Variants in FSTL4 observed in about 807,000 individuals in gnomAD.
The protein encoded by FSTL4 is follistatin-related protein 4.
Under a neutral mutation model 78.2 loss-of-function variants are expected in FSTL4, and 28 were observed. The observed-to-expected ratio is 0.36, with a 90% CI of 0.27 to 0.49. FSTL4 has a LOEUF of 0.49. Ranked by LOEUF, FSTL4 falls within the 20% of genes least tolerant of loss-of-function variation. The pLI is 0.98. For synonymous variants in FSTL4, 422 were observed against 440.5 expected (o/e 0.96, Z 0.53); for missense variants, 922 against 1,084.9 (o/e 0.85, Z 2.11).
chr5:133,395,883 C>T (rs189798242), intron 4 of FSTL4, among the ~76,000 whole-genome samples: 1 of 152,068 alleles, frequency 6.6e-6, no homozygotes, highest in Non-Finnish European at 1.5e-5. Flanking sequence ...CCTGAGAGCC[C>T]GGAGGTACAT....
chr5:133,604,726 A>T (rs1580817581), intron 1 of FSTL4, among the ~76,000 whole-genome samples: 1 of 152,114 alleles, frequency 6.6e-6, no homozygotes, highest in Non-Finnish European at 1.5e-5. Context: ...AGAAATGATG[A>T]TTAAGAATTA....
chr5:133,310,240 A>G (rs1307462651), intron 6 of FSTL4, among the ~76,000 whole-genome samples: 1 of 152,132 alleles, frequency 6.6e-6, no homozygotes, highest in African/African-American at 2.4e-5. Flanking sequence ...CTGGGCTGTG[A>G]TGAATGGTTT....
At chr5:133,274,980 G>C (rs1016707052) in intron 6 of FSTL4, among the ~76,000 whole-genome samples, 1 of 152,208 alleles carries the variant, frequency 6.6e-6, no homozygotes, top group African/African-American at 2.4e-5. Context: ...TAAGAATTTA[G>C]GCTGGGCACA....
In FSTL4 at chr5:133,611,303, A is replaced by G. The variant is rs1761087039; in HGVS notation, c.-11+1022T>C. The stretch of plus-strand genomic sequence containing the variant: ...CGCGCTCTGGAAAACAAGAAACCCC[A>G]CTGCCTCGGCGGCTTTCCGCTCCCG... On this transcript the variant is annotated intron_variant, in intron 1 of 15. Coordinates refer to ENST00000265342, the MANE Select transcript of FSTL4 (RefSeq NM_015082.2). This position sits in a 1 kb window ranked among gnomAD's most constrained non-coding sequence, Gnocchi z 4.9. Among the ~76,000 whole-genome samples, 1 of 151,848 alleles carries G rather than the reference A, an allele frequency of 6.6e-6. No individual in the cohort carries two copies. The highest frequency in any genetic ancestry group is 2.1e-4 in the South Asian group (1 of 4,798).
At chr5:133,602,238 A>T (rs2112978186) in intron 2 of FSTL4, among the ~76,000 whole-genome samples, 1 of 152,266 alleles carries the variant, frequency 6.6e-6, no homozygotes, top group African/African-American at 2.4e-5. Context: ...GGAAGACAAA[A>T]GCTACCCTGG....
the FSTL4 span, among the ~76,000 whole-genome samples, chr5:133,822,395 C>T: frequency 2.0e-5 from 3 of 152,314 alleles, no homozygotes; most frequent in South Asian, 2.1e-4. Context: ...TTAATGTAAT[C>T]GTTTCAGCTC....
At chr5:133,830,951 G>T in the FSTL4 span, among the ~76,000 whole-genome samples, 1 of 152,160 alleles carries the variant, frequency 6.6e-6, no homozygotes, top group African/African-American at 2.4e-5. Flanking sequence ...AGGGCATCCA[G>T]GGCCTCCCAG....
At position 133,305,024 on chromosome 5, in the gene FSTL4, G is replaced by C. The variant is rs190979033; in HGVS notation, c.727+7630C>G. 2.6e-3 allele frequency among the ~76,000 whole-genome samples: 402 copies of C among 152,262 alleles called. 1 individual carries two copies. The highest frequency in any genetic ancestry group is 4.9e-3 in the Non-Finnish European group (336 of 68,014). ...TGTGTTTCTGTCTTTATATAGCAAG[G>C]GAGAGCCAAAAAGGACAGAGTCCAG... On this transcript the variant is annotated intron_variant, in intron 6 of 15. Transcript: ENST00000265342.
At chr5:133,546,493 G>A (rs548494027) in intron 3 of FSTL4, among the ~76,000 whole-genome samples, 10 of 117,854 alleles carry the variant, frequency 8.5e-5, no homozygotes, top group African/African-American at 3.0e-4. Context: ...CTGACAGAGC[G>A]AGACTTTGTC....
chr5:133,542,376 G>A (rs1361225964), intron 3 of FSTL4, among the ~76,000 whole-genome samples: 1 of 152,080 alleles, frequency 6.6e-6, no homozygotes, highest in East Asian at 1.9e-4. Context: ...GCTAAATATA[G>A]TTTGCTAATT....
chr5:133,201,896 CG>C, intron 15 of FSTL4, 36 bp downstream of exon 15: 1 of 1,203,094 alleles, frequency 8.3e-7, no homozygotes. Flanking sequence ...TGAGCTGGAG[CG>C]GGGAGTGCCT....
At chr5:133,413,310 G>GT (rs11385441) in intron 3 of FSTL4, among the ~76,000 whole-genome samples, 27,392 of 151,730 alleles carry the variant, frequency 0.18, 2,520 homozygotes, top group Non-Finnish European at 0.21. Context: ...ATTTTAAAGA[G>GT]TTTTTTATGC....
intron 6 of FSTL4, among the ~76,000 whole-genome samples, chr5:133,300,504 T>C (rs1362866145): frequency 6.6e-6 from 1 of 152,192 alleles, no homozygotes. Flanking sequence ...AGCTGTGGCC[T>C]GGTACAGTTG....
At chr5:133,424,992 T>C (rs187941325) in intron 3 of FSTL4, among the ~76,000 whole-genome samples, 1 of 152,192 alleles carries the variant, frequency 6.6e-6, no homozygotes, top group Admixed American at 6.5e-5. Context: ...AAACAAAAGA[T>C]ATAGCAACAT....
chr5:133,398,267 C>A (rs1260221744), intron 4 of FSTL4, among the ~76,000 whole-genome samples: 1 of 152,164 alleles, frequency 6.6e-6, no homozygotes, highest in Non-Finnish European at 1.5e-5. Flanking sequence ...GGCAGCCCAG[C>A]TCTTCTGCCC....
chr5:133,240,952 T>G (rs940633505), intron 7 of FSTL4, among the ~76,000 whole-genome samples: 6 of 152,284 alleles, frequency 3.9e-5, no homozygotes, highest in African/African-American at 1.4e-4. Context: ...GCCTGGGGTC[T>G]TTGGGCCAGG....
At chr5:133,396,081 C>T (rs1037929147) in intron 4 of FSTL4, among the ~76,000 whole-genome samples, 22 of 152,172 alleles carry the variant, frequency 1.4e-4, no homozygotes, top group Admixed American at 1.1e-3. Flanking sequence ...GGCCAATGTT[C>T]TTCTCTCCCC....
chr5:133,265,083 G>A (rs1010397625), intron 6 of FSTL4, among the ~76,000 whole-genome samples: 4 of 152,122 alleles, frequency 2.6e-5, no homozygotes, highest in Non-Finnish European at 4.4e-5. Flanking sequence ...GCATTTGGTG[G>A]CAGGAGGTGG....
the FSTL4 span, among the ~76,000 whole-genome samples, chr5:133,712,017 G>C: frequency 6.6e-6 from 1 of 152,082 alleles, no homozygotes; most frequent in Non-Finnish European, 1.5e-5. Context: ...AAAATACCCC[G>C]CCCAGGGCTT....
Sources: allele counts gnomAD v4.1 joint callset (sites outside exome capture counted in the v4.1 genomes callset), GRCh38; gene constraint gnomAD v4.1.1; non-coding constraint Gnocchi (gnomAD v3.1); transcripts MANE v1.5; gene names NCBI Gene and HGNC (gene_info 2026-07-23, HGNC 2026-07-21).